The following RUBCN variants were observed in gnomAD, a reference collection of about 807,000 sequenced individuals.
RUBCN encodes run domain Beclin-1-interacting and cysteine-rich domain-containing protein.
In RUBCN, 74 loss-of-function variants were observed where a neutral mutation model predicts 113.2. The observed-to-expected ratio is 0.65, with a 90% CI of 0.54 to 0.79. The LOEUF is 0.79. RUBCN is among the 30% of genes least tolerant of loss of function. The pLI is 0.00. For synonymous variants in RUBCN, 480 were observed against 490.0 expected, an observed-to-expected ratio of 0.98 and a Z score of 0.27; for missense variants, 1,109 against 1,251.7, an observed-to-expected ratio of 0.89 and a Z score of 1.72.
chr3:197,678,100 T>C (rs1720667484), intron 16 of RUBCN, among the ~76,000 whole-genome samples: 1 of 145,106 alleles, frequency 6.9e-6, no homozygotes, highest in South Asian at 2.2e-4. Flanking sequence ...GACTGACAAC[T>C]GGCTTCAGAC....
rs1337955584 is a variant in RUBCN, at chr3:197,670,396, T to G, written c.*4622A>C. On this transcript the variant is annotated 3_prime_UTR_variant, in exon 20 of 20. Coordinates refer to ENST00000296343, the MANE Select transcript of RUBCN (RefSeq NM_014687.4). The stretch of plus-strand genomic sequence containing the variant: ...ACGGATGATTGAATGAATAAATAAA[T>G]GCTGGGCTGCCATTGTGAATCAATG... 6.6e-6 allele frequency among the ~76,000 whole-genome samples: 1 copy of G among 152,244 alleles called. No individual in the cohort carries two copies. Among genetic ancestry groups the G allele is most frequent in the Non-Finnish European group, 1.5e-5 (1 of 68,038 alleles).
intron 11 of RUBCN, among the ~76,000 whole-genome samples, chr3:197,691,302 C>T (rs1258494354): frequency 1.3e-5 from 2 of 152,212 alleles, no homozygotes; most frequent in Non-Finnish European, 2.9e-5. Context: ...GGTGCTCACT[C>T]TAGCTTGGAG....
chr3:197,707,125 C>T (rs1417183802), intron 2 of RUBCN, among the ~76,000 whole-genome samples: 7 of 143,000 alleles, frequency 4.9e-5, no homozygotes, highest in Middle Eastern at 3.4e-3. Context: ...AGGCAGATCA[C>T]GAGGTCAGGA....
chr3:197,683,475 G>A lies in RUBCN; in HGVS notation c.1848-36C>T. On this transcript the variant is annotated intron_variant, in intron 12 of 19. Coordinates refer to ENST00000296343, the MANE Select transcript of RUBCN (RefSeq NM_014687.4). This position sits in a 1 kb window ranked among gnomAD's most constrained non-coding sequence, Gnocchi z 4.6. The stretch of plus-strand genomic sequence containing the variant: ...GAGAATCAAGGACGGCTGAACACAG[G>A]GAAAGGATGGGCGATGCGAGGCTTC... 1 of 1,612,300 alleles carries A rather than the reference G, an allele frequency of 6.2e-7. No individual in the cohort carries two copies. Among genetic ancestry groups the A allele is most frequent in the South Asian group, 1.1e-5 (1 of 90,962 alleles).
intron 4 of RUBCN, among the ~76,000 whole-genome samples, chr3:197,704,159 G>A (rs1724020253): frequency 6.6e-6 from 1 of 152,160 alleles, no homozygotes; most frequent in South Asian, 2.1e-4. Context: ...GGCCCTGCCG[G>A]GCACGGTAGT....
In RUBCN at chr3:197,701,000, T is replaced by C. The variant is rs772047688; in HGVS notation, c.874A>G (p.Asn292Asp). The C allele has an allele frequency of 6.8e-6, 11 of 1,614,088 alleles. No individual in the cohort carries two copies. The highest frequency in any genetic ancestry group is 1.1e-5 in the South Asian group (1 of 91,070). Residue 292 changes from asparagine (N) to aspartate (D), a missense_variant, in exon 7 of 20, where the codon AAT becomes GAT. By Grantham distance (23) the Asn-to-Asp change is conservative. Around this residue, in one of 3 missense-constraint regions of RUBCN, gnomAD observed 736 missense variants for 779.6 expected, o/e 0.94. Transcript: ENST00000296343. ...ALARDSPLTPNEMSSSTLTSP... is the reference protein window; with the variant it reads ...ALARDSPLTPDEMSSSTLTSP... ...GTCAGAGTACTGGAGCTCATTTCAT[T>C]TGGGGTCAAAGGGGAATCCCTGGCT...
At chr3:197,703,525 G>A (rs1231699244) in intron 5 of RUBCN, 23 bp downstream of exon 5, 1 of 1,535,252 alleles carries the variant, frequency 6.5e-7, no homozygotes, top group East Asian at 2.3e-5. Context: ...GCATAGACGT[G>A]GATAATTCCT....
In RUBCN at chr3:197,701,783, G is replaced by T; in HGVS notation, c.652C>A (p.Pro218Thr). 6.2e-7 allele frequency: 1 copy of T among 1,614,160 alleles called. No homozygotes were observed. Among genetic ancestry groups the T allele is most frequent in the Non-Finnish European group, 8.5e-7 (1 of 1,179,990 alleles). Residue 218 changes from proline to threonine, a missense_variant, in exon 6 of 20, where the codon CCA becomes ACA. This residue lies in a region of RUBCN where 736 missense variants were observed against 779.6 expected (regional missense o/e 0.94). Transcript: ENST00000296343. ...TALPSSTYTP[P>T]NSYAQHSYFG... The stretch of plus-strand genomic sequence containing the variant: ...TAGGAATGCTGAGCATAGCTGTTTG[G>T]AGGGGTGTATGTGGAACTGGGCAGG...
intron 2 of RUBCN, among the ~76,000 whole-genome samples, chr3:197,712,807 A>G (rs537217689): frequency 6.6e-6 from 1 of 152,256 alleles, no homozygotes; most frequent in African/African-American, 2.4e-5. Flanking sequence ...GCAGATGATC[A>G]TATGCTTTGA....
chr3:197,682,182 A>G (rs1197845989), intron 14 of RUBCN, among the ~76,000 whole-genome samples: 1 of 152,200 alleles, frequency 6.6e-6, no homozygotes, highest in East Asian at 1.9e-4. Flanking sequence ...AAGAGCATCC[A>G]TCTATCTTAG....
Position 197,697,060 on chromosome 3 carries a change from T to C in RUBCN, c.1262-11A>G. 2.1e-6 allele frequency: 3 copies of C among 1,418,414 alleles called. No homozygotes were observed. The highest frequency in any genetic ancestry group is 3.0e-6 in the Non-Finnish European group (3 of 1,001,816). The allele number at this position is 1,418,414 out of a possible 1,614,324, so 87.9% of individuals were successfully genotyped here. A position where few individuals can be genotyped will look rare whatever the true frequency, so the allele number is the denominator to read the frequency against. ...TATCATTGCAGGATTCTAATGACGA[T>C]GACCACCAGCGAGTAAAAACACATA... On this transcript the variant is annotated splice_polypyrimidine_tract_variant and intron_variant, in intron 7 of 19. Transcript: ENST00000296343.
intron 1 of RUBCN, among the ~76,000 whole-genome samples, chr3:197,732,551 G>A (rs1278632986): frequency 6.6e-6 from 1 of 152,244 alleles, no homozygotes; most frequent in African/African-American, 2.4e-5. Flanking sequence ...CTGACCTCGT[G>A]ATCCACCCAC....
chr3:197,697,637 C>A (rs572549068), intron 7 of RUBCN, among the ~76,000 whole-genome samples: 1 of 152,188 alleles, frequency 6.6e-6, no homozygotes, highest in Non-Finnish European at 1.5e-5. Flanking sequence ...GGAGGGAAGG[C>A]TGGCGAGACA....
intron 17 of RUBCN, 138 bp downstream of exon 17, chr3:197,677,342 T>C: frequency 1.3e-6 from 1 of 778,986 alleles, no homozygotes; most frequent in Admixed American, 1.9e-5. Flanking sequence ...GTTACTGCTG[T>C]GGCCTCCTGT....
At chr3:197,696,823 A>C (rs1723062199) in intron 8 of RUBCN, 131 bp downstream of exon 8, 1 of 659,754 alleles carries the variant, frequency 1.5e-6, no homozygotes, top group African/African-American at 2.0e-5. Flanking sequence ...AAATGACAAA[A>C]GAGTGACTGA....
At chr3:197,726,414 T>C (rs1325521069) in intron 1 of RUBCN, among the ~76,000 whole-genome samples, 1 of 150,632 alleles carries the variant, frequency 6.6e-6, no homozygotes, top group African/African-American at 2.4e-5. Context: ...GCCTGGCTAA[T>C]TTTTTGTATT....
chr3:197,727,570 A>G (rs1437064995), intron 1 of RUBCN, among the ~76,000 whole-genome samples: 1 of 152,234 alleles, frequency 6.6e-6, no homozygotes, highest in Admixed American at 6.5e-5. Flanking sequence ...TTCCACATCC[A>G]AACAGTATCT....
chr3:197,709,409 TTC>T lies in RUBCN; in HGVS notation c.220-4236_220-4235del, dbSNP rs753306724. On this transcript the variant is annotated intron_variant, in intron 2 of 19. Coordinates refer to ENST00000296343, the MANE Select transcript of RUBCN (RefSeq NM_014687.4). ...GTTTTTTTTTTCTTTGAGACGGAGT[TTC>T]TCTCTGTTGCCCAAGCTGGAGTGCA... is the stretch of plus-strand genomic sequence containing the variant. 4.7e-4 allele frequency among the ~76,000 whole-genome samples: 71 copies of T among 152,014 alleles called. 1 individual carries two copies. The highest frequency in any genetic ancestry group is 9.6e-4 in the Non-Finnish European group (65 of 67,988).
Position 197,691,362 on chromosome 3 carries a change from C to T in RUBCN, c.1786+2353G>A, listed in dbSNP as rs1394893734. ...CAAGCCCAGCCTCAAGGACCTCCTA[C>T]GACAGTGGTTCTCAGCCACGGGTGA... is the stretch of plus-strand genomic sequence containing the variant. On this transcript the variant is annotated intron_variant, in intron 11 of 19. Transcript: ENST00000296343. Among the ~76,000 whole-genome samples, 8 of 152,080 alleles carry T rather than the reference C, an allele frequency of 5.3e-5. No individual in the cohort carries two copies. The South Asian group carries it at 6.2e-4, about 12-fold the overall frequency.
Sources: allele counts gnomAD v4.1 joint callset (sites outside exome capture counted in the v4.1 genomes callset), GRCh38; gene constraint gnomAD v4.1.1; regional missense constraint gnomAD v4.1.1; non-coding constraint Gnocchi (gnomAD v3.1); transcripts MANE v1.5; gene names NCBI Gene and HGNC (gene_info 2026-07-23, HGNC 2026-07-21).